KANSL3: variants seen among roughly 807,000 people sequenced by gnomAD.
KANSL3 encodes the protein KAT8 regulatory NSL complex subunit 3.
A neutral mutation model predicts 89.2 loss-of-function variants in KANSL3; 16 were observed. The observed-to-expected ratio is 0.18, with a 90% confidence interval of 0.12 to 0.27. The LOEUF (loss-of-function observed/expected upper bound fraction) is 0.27, where lower values mean the gene tolerates loss of function less well. Among genes scored for constraint, KANSL3 ranks in the 10% least tolerant of loss-of-function variants. The pLI is 1.00. For missense variants in KANSL3, 879 were observed against 1,110.6 expected (o/e 0.79, Z 2.96); for synonymous variants, 385 against 419.7 (o/e 0.92, Z 1.01).
At position 96,602,860 on chromosome 2, in the gene KANSL3, C is replaced by A; in HGVS notation, c.2152G>T (p.Ala718Ser). 6.2e-7 allele frequency: 1 copy of A among 1,613,738 alleles called. No homozygotes were observed. Among genetic ancestry groups the A allele is most frequent in the East Asian group, 2.2e-5 (1 of 44,866 alleles). Residue 718 changes from alanine to serine, a missense_variant and splice_region_variant, in exon 18 of 21, where the codon GCC becomes TCC. Physicochemically the swap from Ala to Ser is moderately conservative, Grantham distance 99. Coordinates refer to ENST00000431828, the MANE Select transcript of KANSL3 (RefSeq NM_001115016.3). Reference sequence around the variant, plus strand: ...TGGAGGAGGCTGCTGGCTGATGTGGCCCCTAAGAGAGGACATAGCAGGAAT... The same window carrying A: ...TGGAGGAGGCTGCTGGCTGATGTGGACCCTAAGAGAGGACATAGCAGGAAT... Reference protein sequence around the residue: ...ATSPGSSLPGATSASSLLQGL... With the variant: ...ATSPGSSLPGSTSASSLLQGL...
rs1308073235 is a variant in KANSL3 at position 96,593,878 on chromosome 2, T to C, written c.*1733A>G. On this transcript the variant is annotated 3_prime_UTR_variant, in exon 21 of 21. Coordinates refer to ENST00000431828, the MANE Select transcript of KANSL3 (RefSeq NM_001115016.3). The stretch of plus-strand genomic sequence containing the variant: ...TCCTGGATGCCTCCTCCAGATTTCA[T>C]ACCTTCCTCAAGTTTACTAAATACT... 6.6e-6 allele frequency: 1 copy of C among 152,478 alleles called. No individual in the cohort carries two copies. The highest frequency in any genetic ancestry group is 1.5e-5 in the Non-Finnish European group (1 of 68,216). 9.4% of individuals were successfully genotyped at this position (152,478 alleles called of 1,614,324 possible).
In KANSL3 at chr2:96,609,027, C is replaced by T. The variant is rs1169025853; in HGVS notation, c.1421G>A (p.Arg474His). The part of the protein sequence containing the change: ...IVDFLTGVLT[R>H]AEGHMGSEPR... ...TTCAGAGCCCATGTGACCCTCAGCACGAGTGAGCACTCCAGTCAGAAAGTC... is the reference window on the plus strand; with the variant it reads ...TTCAGAGCCCATGTGACCCTCAGCATGAGTGAGCACTCCAGTCAGAAAGTC... Residue 474 changes from arginine to histidine, a missense_variant, in exon 13 of 21, where the codon CGT becomes CAT. Transcript: ENST00000431828. The T allele has an allele frequency of 2.6e-6, 4 of 1,564,838 alleles. No individual in the cohort carries two copies. The highest frequency in any genetic ancestry group is 2.4e-5 in the East Asian group (1 of 42,188).
At chr2:96,637,664 C>A (rs1234124416) in intron 1 of KANSL3, among the ~76,000 whole-genome samples, 1 of 152,212 alleles carries the variant, frequency 6.6e-6, no homozygotes, top group Non-Finnish European at 1.5e-5. Flanking sequence ...GCAACGCCGG[C>A]CTCAAAAAAG....
chr2:96,630,889 C>CA (rs1262693469), intron 3 of KANSL3, among the ~76,000 whole-genome samples: 5 of 152,212 alleles, frequency 3.3e-5, no homozygotes, highest in African/African-American at 1.2e-4. Context: ...GTTAGCTTTT[C>CA]ATGTGACTTC....
At chr2:96,604,061 CAT>C in intron 17 of KANSL3, 187 bp downstream of exon 17, 1 of 534,236 alleles carries the variant, frequency 1.9e-6, no homozygotes, top group Non-Finnish European at 3.2e-6. Flanking sequence ...TTACTCACTG[CAT>C]TTATTCAAGG....
At chr2:96,587,622 A>C in the KANSL3 span, among the ~76,000 whole-genome samples, 1 of 152,324 alleles carries the variant, frequency 6.6e-6, no homozygotes, top group East Asian at 1.9e-4. Context: ...ATCCAAAACC[A>C]CTCAAAGAAT....
intron 3 of KANSL3, among the ~76,000 whole-genome samples, chr2:96,620,145 GT>G (rs1266877806): frequency 6.6e-6 from 1 of 152,154 alleles, no homozygotes; most frequent in Non-Finnish European, 1.5e-5. Flanking sequence ...AATTTCATAA[GT>G]TTTATATTTC....
intron 1 of KANSL3, 64 bp downstream of exon 1, chr2:96,638,219 C>A: frequency 6.6e-6 from 1 of 152,400 alleles, no homozygotes; most frequent in South Asian, 2.0e-4. Context: ...GACCCCCGGC[C>A]GTCCCAACCA....
intron 3 of KANSL3, among the ~76,000 whole-genome samples, chr2:96,626,980 C>T (rs1488980574): frequency 1.3e-5 from 2 of 152,122 alleles, no homozygotes; most frequent in East Asian, 1.9e-4. Flanking sequence ...TTATGCACAC[C>T]GAAATTTTAA....
intron 5 of KANSL3, among the ~76,000 whole-genome samples, chr2:96,615,889 G>C (rs929973577): frequency 2.0e-5 from 3 of 152,178 alleles, no homozygotes; most frequent in Non-Finnish European, 4.4e-5. Flanking sequence ...AATAGGGAAA[G>C]ACCGATAACT....
chr2:96,593,372 T>C lies in KANSL3; in HGVS notation c.*2239A>G, dbSNP rs1236877107. The C allele has an allele frequency of 2.2e-6, 1 of 451,786 alleles. No individual in the cohort carries two copies. Among genetic ancestry groups the C allele is most frequent in the East Asian group, 7.0e-5 (1 of 14,338 alleles). The allele number at this position is 451,786 out of a possible 1,614,324, so 28.0% of individuals were successfully genotyped here. A position where few individuals can be genotyped will look rare whatever the true frequency, so the allele number is the denominator to read the frequency against. On this transcript the variant is annotated 3_prime_UTR_variant, in exon 21 of 21. Coordinates refer to ENST00000431828, the MANE Select transcript of KANSL3 (RefSeq NM_001115016.3). ...ATCTGTCATCCAAGAATCTAAGAAC[T>C]TCCTGATCCTTCCACATTTTCTATC... is the stretch of plus-strand genomic sequence containing the variant.
rs376260712 is a variant in KANSL3, at chr2:96,635,299, C to G, written c.215+1622G>C. 1.3e-3 allele frequency among the ~76,000 whole-genome samples: 197 copies of G among 152,350 alleles called. 1 individual carries two copies. The highest frequency in any genetic ancestry group is 4.4e-3 in the African/African-American group (185 of 41,578). ...TCCCTACCTCCCACTTATACCCCTA[C>G]TGCTATTATATTCTGGCCACACTGG... On this transcript the variant is annotated intron_variant, in intron 2 of 20. Coordinates refer to ENST00000431828, the MANE Select transcript of KANSL3 (RefSeq NM_001115016.3).
chr2:96,593,211 A>C lies in KANSL3; in HGVS notation c.*2400T>G, dbSNP rs2066331487. On this transcript the variant is annotated 3_prime_UTR_variant, in exon 21 of 21. Transcript: ENST00000431828. ...TTTAATTGTTTTTGTTAATGTAAAA[A>C]CAGAACCATCACAGCCGCTCAGCTC... 2.2e-6 allele frequency: 1 copy of C among 450,880 alleles called. No individual in the cohort carries two copies. The highest frequency in any genetic ancestry group is 4.4e-6 in the Non-Finnish European group (1 of 225,112). The allele number at this position is 450,880 out of a possible 1,614,324, so 27.9% of individuals were successfully genotyped here.
the KANSL3 span, among the ~76,000 whole-genome samples, chr2:96,584,580 T>A: frequency 5.3e-5 from 8 of 152,218 alleles, no homozygotes; most frequent in Admixed American, 5.2e-4. Flanking sequence ...CACTCCCTAC[T>A]TCTATAAGAT....
chr2:96,605,638 G>C, intron 14 of KANSL3, 127 bp from the exon 15 acceptor site: 1 of 747,654 alleles, frequency 1.3e-6, no homozygotes, highest in Non-Finnish European at 2.2e-6. Context: ...TCTACGTACA[G>C]GGCCACCCCT....
chr2:96,627,910 A>G (rs1387450450), intron 3 of KANSL3: 1 of 1,289,642 alleles, frequency 7.8e-7, no homozygotes, highest in Non-Finnish European at 1.0e-6. Context: ...GCTATGTACA[A>G]AAGTTACCTA....
chr2:96,628,462 C>G (rs2072794042), intron 3 of KANSL3: 1 of 194,586 alleles, frequency 5.1e-6, no homozygotes. Flanking sequence ...CCAGCCTAGG[C>G]AACATGGTGA....
chr2:96,622,067 C>A (rs1255123357), intron 3 of KANSL3, among the ~76,000 whole-genome samples: 2 of 150,244 alleles, frequency 1.3e-5, no homozygotes, highest in Non-Finnish European at 2.9e-5. Context: ...TGAGCTGAGA[C>A]AGTGCCATTG....
chr2:96,626,535 A>G (rs1007892250), intron 3 of KANSL3, among the ~76,000 whole-genome samples: 1 of 152,242 alleles, frequency 6.6e-6, no homozygotes, highest in African/African-American at 2.4e-5. Context: ...TTTCTAAGAT[A>G]AGAAAGCCTG....
Sources: allele counts gnomAD v4.1 joint callset (sites outside exome capture counted in the v4.1 genomes callset), GRCh38; gene constraint gnomAD v4.1.1; transcripts MANE v1.5; gene names NCBI Gene and HGNC (gene_info 2026-07-23, HGNC 2026-07-21).